Variants in WNT9A observed in about 807,000 individuals in gnomAD.
The protein encoded by WNT9A is Wnt family member 9A.
Under a neutral mutation model 31.4 loss-of-function variants are expected in WNT9A, and 8 were observed. The observed-to-expected ratio is 0.26, with a 90% confidence interval of 0.15 to 0.46. WNT9A has a LOEUF of 0.46. Among genes scored for constraint, WNT9A ranks in the 20% least tolerant of loss-of-function variants. The pLI, the probability that WNT9A is intolerant of heterozygous loss-of-function variation, is 0.99. For synonymous variants in WNT9A, 236 were observed against 220.1 expected (o/e 1.07, Z -0.64); for missense variants, 457 against 522.9 (o/e 0.87, Z 1.23).
chr1:227,922,046 GT>G, intron 3 of WNT9A, 46 bp from the exon 4 acceptor site: 1 of 1,555,158 alleles, frequency 6.4e-7, no homozygotes, highest in Non-Finnish European at 8.7e-7. Flanking sequence ...GGCTGTGCAG[GT>G]GGGCCCAGTG....
At chr1:227,943,641 T>C (rs575017228) in intron 1 of WNT9A, among the ~76,000 whole-genome samples, 1 of 151,974 alleles carries the variant, frequency 6.6e-6, no homozygotes, top group Non-Finnish European at 1.5e-5. Context: ...CCGGCAGAAA[T>C]GTAAGATGCT....
At position 227,920,912 on chromosome 1, in the gene WNT9A, T is replaced by C. The variant is rs1466380991; in HGVS notation, c.*606A>G. ...AGAGCCAACCCCCGCCTCTGGGTCC[T>C]GGAGAGGGGGAGATACAGGGCTTGG... On this transcript the variant is annotated 3_prime_UTR_variant, in exon 4 of 4. Transcript: ENST00000272164. 4 of 152,374 alleles carry C rather than the reference T, an allele frequency of 2.6e-5. No homozygotes were observed. The highest frequency in any genetic ancestry group is 3.1e-3 in the Middle Eastern group (1 of 318). 9.4% of individuals were successfully genotyped at this position (152,374 alleles called of 1,614,324 possible). A position where few individuals can be genotyped will look rare whatever the true frequency, so the allele number is the denominator to read the frequency against.
chr1:227,931,831 G>A (rs1001451978), intron 1 of WNT9A, among the ~76,000 whole-genome samples: 1 of 151,890 alleles, frequency 6.6e-6, no homozygotes, highest in African/African-American at 2.4e-5. Flanking sequence ...GGTAGCTGCT[G>A]ACTGGTCAGC....
intron 1 of WNT9A, among the ~76,000 whole-genome samples, chr1:227,934,779 A>G (rs1349493243): frequency 6.6e-6 from 1 of 152,198 alleles, no homozygotes; most frequent in Non-Finnish European, 1.5e-5. Flanking sequence ...AGCCTGAGTC[A>G]CAGCCTCAGG....
In WNT9A at chr1:227,942,084, C is replaced by T. The variant is rs1174547424; in HGVS notation, c.95+5709G>A. Among the ~76,000 whole-genome samples the T allele has an allele frequency of 1.3e-5, 2 of 152,136 alleles. No individual in the cohort carries two copies. Among genetic ancestry groups the T allele is most frequent in the African/African-American group, 4.8e-5 (2 of 41,442 alleles). On this transcript the variant is annotated intron_variant, in intron 1 of 3. Coordinates refer to ENST00000272164, the MANE Select transcript of WNT9A (RefSeq NM_003395.4). This position sits in a 1 kb window ranked among gnomAD's most constrained non-coding sequence, Gnocchi z 5.7. ...CAGAGCAGGGCACCCCCAGCCCGGGCCACCCCAGCAGCCGGCGGAAGGTCC... is the reference window on the plus strand; with the variant it reads ...CAGAGCAGGGCACCCCCAGCCCGGGTCACCCCAGCAGCCGGCGGAAGGTCC...
chr1:227,937,257 C>T (rs1192996143), intron 1 of WNT9A, among the ~76,000 whole-genome samples: 3 of 152,226 alleles, frequency 2.0e-5, no homozygotes, highest in African/African-American at 4.8e-5. Flanking sequence ...CACTCAGCAC[C>T]GCTGCTCCGC....
chr1:227,927,969 G>A (rs1442705489), intron 1 of WNT9A, among the ~76,000 whole-genome samples: 2 of 151,732 alleles, frequency 1.3e-5, no homozygotes, highest in Non-Finnish European at 2.9e-5. Context: ...GGGGAGGAGG[G>A]TGAAGGGAAG....
intron 1 of WNT9A, among the ~76,000 whole-genome samples, chr1:227,945,060 A>C (rs769929295): frequency 1.3e-5 from 2 of 152,114 alleles, no homozygotes; most frequent in Non-Finnish European, 2.9e-5. Flanking sequence ...CCCAGGAGAG[A>C]AGCAGCCCCG....
chr1:227,944,827 G>T (rs966066250), intron 1 of WNT9A, among the ~76,000 whole-genome samples: 16 of 152,226 alleles, frequency 1.1e-4, no homozygotes, highest in African/African-American at 3.9e-4. Flanking sequence ...GATGTAAACT[G>T]CAAGGGCCAC....
intron 3 of WNT9A, among the ~76,000 whole-genome samples, chr1:227,923,558 T>G (rs1297782412): frequency 6.6e-6 from 1 of 152,154 alleles, no homozygotes; most frequent in African/African-American, 2.4e-5. Flanking sequence ...GAGAGTCCTT[T>G]TATCTCGAAG....
Position 227,921,410 on chromosome 1 carries a change from C to T in WNT9A, c.*108G>A, listed in dbSNP as rs113266227. 11,156 of 1,499,086 alleles carry T rather than the reference C, an allele frequency of 7.4e-3. 65 individuals carry two copies. Among genetic ancestry groups the T allele is most frequent in the Middle Eastern group, 0.018 (99 of 5,526 alleles). The allele number at this position is 1,499,086 out of a possible 1,614,324, so 92.9% of individuals were successfully genotyped here. A position where few individuals can be genotyped will look rare whatever the true frequency, so the allele number is the denominator to read the frequency against. On this transcript the variant is annotated 3_prime_UTR_variant, in exon 4 of 4. Coordinates refer to ENST00000272164, the MANE Select transcript of WNT9A (RefSeq NM_003395.4). ...CACTGTGTGCAATGCCTGTACCCCA[C>T]GCAGCTGGGCTGGTCGAGCCCAGGA...
chr1:227,925,142 T>C lies in WNT9A; in HGVS notation c.352+121A>G. On this transcript the variant is annotated intron_variant, in intron 2 of 3. Coordinates refer to ENST00000272164, the MANE Select transcript of WNT9A (RefSeq NM_003395.4). This position sits in a 1 kb window ranked among gnomAD's most constrained non-coding sequence, Gnocchi z 6.0. ...TTCCAGGGCCTAGGCCCAGGAGCTC[T>C]GGGCAGGCTGGGCCCGGCGTCCCCA... The C allele has an allele frequency of 2.2e-6, 3 of 1,389,758 alleles. No individual in the cohort carries two copies. Among genetic ancestry groups the C allele is most frequent in the Non-Finnish European group, 2.8e-6 (3 of 1,065,460 alleles). 86.1% of individuals were successfully genotyped at this position (1,389,758 alleles called of 1,614,324 possible). A position where few individuals can be genotyped will look rare whatever the true frequency, so the allele number is the denominator to read the frequency against.
Position 227,922,008 on chromosome 1 carries a change from A to C in WNT9A, c.616-8T>G. 1 of 1,599,128 alleles carries C rather than the reference A, an allele frequency of 6.3e-7. No homozygotes were observed. Among genetic ancestry groups the C allele is most frequent in the South Asian group, 1.1e-5 (1 of 88,570 alleles). On this transcript the variant is annotated splice_region_variant and splice_polypyrimidine_tract_variant and intron_variant, in intron 3 of 3. Transcript: ENST00000272164. ...CACCCCAGCCTTGATCACCTGGCAG[A>C]AGGGTGCGGGAGGGAGGGCAGTGTG...
intron 1 of WNT9A, among the ~76,000 whole-genome samples, chr1:227,938,534 C>T (rs1666636400): frequency 6.6e-6 from 1 of 152,086 alleles, no homozygotes; most frequent in African/African-American, 2.4e-5. Context: ...CACACAGACA[C>T]ACCCATATGA....
intron 1 of WNT9A, among the ~76,000 whole-genome samples, chr1:227,940,789 C>CT (rs922713615): frequency 2.0e-5 from 3 of 152,254 alleles, no homozygotes; most frequent in African/African-American, 7.2e-5. Flanking sequence ...GACAGCTGGG[C>CT]TTCCTCTGGC....
At chr1:227,938,847 G>A (rs905483849) in intron 1 of WNT9A, among the ~76,000 whole-genome samples, 9 of 152,152 alleles carry the variant, frequency 5.9e-5, no homozygotes, top group East Asian at 1.9e-4. Context: ...CTGCTACACC[G>A]GCAAGAAACT....
In WNT9A at chr1:227,925,105, CG is replaced by C. The variant is rs1440674064; in HGVS notation, c.352+157del. Among the ~76,000 whole-genome samples the C allele has an allele frequency of 4.6e-5, 7 of 152,174 alleles. No homozygotes were observed. The highest frequency in any genetic ancestry group is 8.8e-5 in the Non-Finnish European group (6 of 68,012). ...GGGCAGGCAGCACTCAGGGAGGTCC[CG>C]GGGCTGCCCTTTCCAGGGCCTAGGC... On this transcript the variant is annotated intron_variant, in intron 2 of 3. Transcript: ENST00000272164. This position sits in a 1 kb window ranked among gnomAD's most constrained non-coding sequence, Gnocchi z 6.0.
chr1:227,939,798 T>G (rs1276557359), intron 1 of WNT9A, among the ~76,000 whole-genome samples: 1 of 152,158 alleles, frequency 6.6e-6, no homozygotes, highest in African/African-American at 2.4e-5. Context: ...AGCGTTTAAT[T>G]TCTGTGTGAA....
Position 227,925,501 on chromosome 1 carries a change from G to T in WNT9A, c.114C>A (p.Pro38=). Reference sequence around the variant, plus strand: ...CCAGGGTCAGCGGGAGGATGGTCAGGGGCTCGCTGCCCGTCAGCCTGGGCA... The same window carrying T: ...CCAGGGTCAGCGGGAGGATGGTCAGTGGCTCGCTGCCCGTCAGCCTGGGCA... ...AAYFGLTGSE[P]LTILPLTLEP... is the part of the protein sequence containing the mutation. The change falls in exon 2 of 4, where the codon CCC becomes CCA. Residue 38 remains proline (P), a synonymous_variant. Coordinates refer to ENST00000272164, the MANE Select transcript of WNT9A (RefSeq NM_003395.4). This position sits in a 1 kb window ranked among gnomAD's most constrained non-coding sequence, Gnocchi z 6.0. The T allele has an allele frequency of 1.3e-6, 2 of 1,556,480 alleles. No individual in the cohort carries two copies. The highest frequency in any genetic ancestry group is 2.4e-5 in the East Asian group (1 of 42,184).
Sources: allele counts gnomAD v4.1 joint callset (sites outside exome capture counted in the v4.1 genomes callset), GRCh38; gene constraint gnomAD v4.1.1; non-coding constraint Gnocchi (gnomAD v3.1); transcripts MANE v1.5; gene names NCBI Gene and HGNC (gene_info 2026-07-23, HGNC 2026-07-21).